Variants in LRRC17 observed in about 807,000 individuals in gnomAD.
LRRC17 encodes leucine-rich repeat-containing protein 17.
In LRRC17, 33 loss-of-function variants were observed where a neutral mutation model predicts 41.5. That is an observed-to-expected ratio of 0.80 (90% CI 0.60 to 1.06). The LOEUF (loss-of-function observed/expected upper bound fraction) is 1.06, where lower values mean the gene tolerates loss of function less well. LRRC17 is among the 50% of genes least tolerant of loss of function. The pLI is 0.00. For missense variants in LRRC17, 491 were observed against 519.3 expected (o/e 0.95, Z 0.53); for synonymous variants, 192 against 197.0 (o/e 0.97, Z 0.21).
At chr7:102,930,870 TCTC>T (rs777371104) in intron 1 of LRRC17, among the ~76,000 whole-genome samples, 14 of 152,224 alleles carry the variant, frequency 9.2e-5, no homozygotes, top group Non-Finnish European at 2.1e-4. Context: ...CTACTTGGTA[TCTC>T]CAGATAGTTG....
At chr7:102,927,408 A>G (rs1818339914) in intron 1 of LRRC17, among the ~76,000 whole-genome samples, 1 of 152,212 alleles carries the variant, frequency 6.6e-6, no homozygotes, top group African/African-American at 2.4e-5. Flanking sequence ...TCTGCATCAG[A>G]AATATGACCA....
chr7:102,944,080 GGAAAA>G (rs1211619528), intron 3 of LRRC17, 125 bp from the exon 4 acceptor site: 11 of 711,878 alleles, frequency 1.5e-5, no homozygotes, highest in East Asian at 8.4e-5. Flanking sequence ...GAAAAAGAAA[GGAAAA>G]GAAATCTCTT....
At chr7:102,927,883 A>G (rs1411772254) in intron 1 of LRRC17, among the ~76,000 whole-genome samples, 4 of 152,250 alleles carry the variant, frequency 2.6e-5, no homozygotes, top group African/African-American at 9.6e-5. Context: ...TCTGTCTTTG[A>G]AAACGTTTGG....
intron 1 of LRRC17, among the ~76,000 whole-genome samples, chr7:102,921,161 C>T (rs1047087828): frequency 4.6e-5 from 7 of 151,408 alleles, no homozygotes; most frequent in East Asian, 2.0e-4. Context: ...CAAAACAAAG[C>T]GAATTCAAGG....
At chr7:102,926,390 A>C in intron 1 of LRRC17, 3 of 1,597,956 alleles carry the variant, frequency 1.9e-6, no homozygotes, top group Non-Finnish European at 2.6e-6. Flanking sequence ...TGAAAAACAG[A>C]GGGAAGAGGC....
intron 1 of LRRC17, among the ~76,000 whole-genome samples, chr7:102,915,428 A>G (rs1815642950): frequency 6.6e-6 from 1 of 152,062 alleles, no homozygotes; most frequent in South Asian, 2.1e-4. Context: ...TGAAATGGAT[A>G]CTTATCTCCA....
At chr7:102,942,398 C>T (rs1001212399) in intron 3 of LRRC17, 3 of 1,402,924 alleles carry the variant, frequency 2.1e-6, no homozygotes, top group Non-Finnish European at 1.9e-6. Context: ...GAATAACAAT[C>T]ATATAAAATG....
At chr7:102,915,135 T>C (rs938546265) in intron 1 of LRRC17, among the ~76,000 whole-genome samples, 6 of 151,444 alleles carry the variant, frequency 4.0e-5, no homozygotes, top group Non-Finnish European at 8.8e-5. Context: ...TTTTTTTTTT[T>C]TTTTTTTACA....
intron 1 of LRRC17, among the ~76,000 whole-genome samples, chr7:102,924,353 A>G (rs1330544879): frequency 3.9e-5 from 6 of 152,080 alleles, no homozygotes; most frequent in Non-Finnish European, 8.8e-5. Context: ...CACTTCATTC[A>G]TCTATCAAGA....
intron 1 of LRRC17, among the ~76,000 whole-genome samples, chr7:102,924,989 T>C (rs1464781226): frequency 6.6e-6 from 1 of 152,206 alleles, no homozygotes; most frequent in Non-Finnish European, 1.5e-5. Flanking sequence ...AAAAAAGCTA[T>C]ATTCTCAAAA....
rs367899444 is a variant in LRRC17, at chr7:102,928,128, T to A, written c.-140-5646T>A. ...AATCCATTCTTTGCATTTTCCTGTCTAAAGAAGCTTGGACATCCAAACAAA... is the reference window on the plus strand; with the variant it reads ...AATCCATTCTTTGCATTTTCCTGTCAAAAGAAGCTTGGACATCCAAACAAA... On this transcript the variant is annotated intron_variant, in intron 1 of 3. Transcript: ENST00000339431. Among the ~76,000 whole-genome samples the A allele has an allele frequency of 1.4e-4, 22 of 152,316 alleles. No homozygotes were observed. In the East Asian group the frequency reaches 2.3e-3, roughly 16 times the overall value.
At chr7:102,921,413 C>T (rs1185021706) in intron 1 of LRRC17, among the ~76,000 whole-genome samples, 1 of 152,140 alleles carries the variant, frequency 6.6e-6, no homozygotes, top group East Asian at 1.9e-4. Context: ...GGCACAGTGG[C>T]TCATGCCTGT....
chr7:102,913,035 T>G lies in LRRC17; in HGVS notation c.-251T>G, dbSNP rs763719038. On this transcript the variant is annotated 5_prime_UTR_variant, in exon 1 of 4. Transcript: ENST00000339431. ...CGTGAGGGCTGAATGCAGCCCATTC[T>G]CTGGAGAACTTCCTCACACACCGCA... 7 of 1,612,762 alleles carry G rather than the reference T, an allele frequency of 4.3e-6. No homozygotes were observed. Among genetic ancestry groups the G allele is most frequent in the Non-Finnish European group, 5.1e-6 (6 of 1,179,226 alleles).
At chr7:102,921,849 A>T (rs538935472) in intron 1 of LRRC17, among the ~76,000 whole-genome samples, 1 of 152,298 alleles carries the variant, frequency 6.6e-6, no homozygotes, top group Admixed American at 6.5e-5. Context: ...GCAGAAGCTC[A>T]ACTGAAGAAA....
chr7:102,914,264 G>C (rs1411312453), intron 1 of LRRC17, among the ~76,000 whole-genome samples: 5 of 152,164 alleles, frequency 3.3e-5, no homozygotes, highest in Non-Finnish European at 1.5e-5. Flanking sequence ...GTAGAGACAG[G>C]GTTTCACCAT....
chr7:102,932,008 A>C, intron 1 of LRRC17: 69 of 1,293,370 alleles, frequency 5.3e-5, no homozygotes, highest in Non-Finnish European at 6.8e-5. Context: ...TCTTACATTG[A>C]ATGCAATGTA....
intron 1 of LRRC17, among the ~76,000 whole-genome samples, chr7:102,931,226 G>A (rs891398233): frequency 2.0e-5 from 3 of 152,242 alleles, no homozygotes; most frequent in African/African-American, 7.2e-5. Context: ...AAACTCAGCA[G>A]CTGTAGGCAC....
At chr7:102,939,724 A>T in intron 3 of LRRC17, 139 bp downstream of exon 3, 2 of 782,782 alleles carry the variant, frequency 2.6e-6, no homozygotes, top group Admixed American at 2.9e-5. Context: ...TAAACATGAC[A>T]CTTATACTAG....
Position 102,922,189 on chromosome 7 carries a change from CAA to C in LRRC17, c.-141+9058_-141+9059del, listed in dbSNP as rs764424966. Among the ~76,000 whole-genome samples the C allele has an allele frequency of 6.6e-3, 545 of 82,532 alleles. 3 individuals carry two copies. Among genetic ancestry groups the C allele is most frequent in the African/African-American group, 0.024 (534 of 22,088 alleles). The allele number at this position is 82,532 out of a possible 152,430, so 54.1% of individuals were successfully genotyped here. ...TGGGCGACAGAGGAAGACTCTGTCT[CAA>C]AAAAAAAAAAAAATTAAATAAATAA... On this transcript the variant is annotated intron_variant, in intron 1 of 3. Coordinates refer to ENST00000339431, the MANE Select transcript of LRRC17 (RefSeq NM_001031692.3).
Sources: gnomAD v4.1 joint callset for allele counts (sites outside exome capture counted in the v4.1 genomes callset) on GRCh38, gnomAD v4.1.1 for gene constraint, MANE v1.5 for transcripts, NCBI Gene and HGNC (gene_info 2026-07-23, HGNC 2026-07-21) for gene names.